The following NF1 variants were observed in gnomAD, a reference collection of about 807,000 sequenced individuals.
NF1 encodes the protein neurofibromin.
Under a neutral mutation model 325.7 loss-of-function variants are expected in NF1, and 122 were observed. The observed-to-expected ratio is 0.37, with a 90% CI of 0.32 to 0.44. NF1 has a LOEUF of 0.44. Ranked by LOEUF, NF1 falls within the 20% of genes least tolerant of loss-of-function variation. The pLI, the probability that NF1 is intolerant of heterozygous loss-of-function variation, is 1.00. For missense variants in NF1, 2,140 were observed against 3,415.4 expected (o/e 0.63, Z 9.31); for synonymous variants, 1,091 against 1,186.0 (o/e 0.92, Z 1.65).
chr17:31,113,907 C>G (rs897475132), intron 1 of NF1, among the ~76,000 whole-genome samples: 2 of 152,200 alleles, frequency 1.3e-5, no homozygotes, highest in African/African-American at 4.8e-5. Flanking sequence ...TTACCCTCTT[C>G]CCAAAATGAG....
At chr17:31,337,324 A>G in intron 42 of NF1, 44 bp from the exon 43 acceptor site, 1 of 1,457,972 alleles carries the variant, frequency 6.9e-7, no homozygotes, top group East Asian at 2.3e-5. Context: ...AGAAATTAAA[A>G]AGTAATATTT....
Position 31,318,764 on chromosome 17 carries a change from C to T in NF1, c.4836-7056C>T, listed in dbSNP as rs113390641. 63 of 1,613,848 alleles carry T rather than the reference C, an allele frequency of 3.9e-5. 2 individuals are homozygous for T. The highest frequency in any genetic ancestry group is 2.5e-4 in the African/African-American group (19 of 74,868). ...TGTTCAGATTTAGAAGTTAAAGCTACGATGTGAGATGTTTCAGGCATGTTT... is the reference window on the plus strand; with the variant it reads ...TGTTCAGATTTAGAAGTTAAAGCTATGATGTGAGATGTTTCAGGCATGTTT... On this transcript the variant is annotated intron_variant, in intron 36 of 57. Coordinates refer to ENST00000358273, the MANE Select transcript of NF1 (RefSeq NM_001042492.3).
At chr17:31,113,821 T>A (rs1025052317) in intron 1 of NF1, among the ~76,000 whole-genome samples, 2 of 152,204 alleles carry the variant, frequency 1.3e-5, no homozygotes, top group African/African-American at 2.4e-5. Context: ...ATATTTCATC[T>A]TCTTTACAAG....
At chr17:31,277,458 G>C (rs1370402685) in intron 36 of NF1, among the ~76,000 whole-genome samples, 6 of 152,092 alleles carry the variant, frequency 3.9e-5, no homozygotes, top group Non-Finnish European at 8.8e-5. Context: ...GATATTTTGG[G>C]ATTATTTGTG....
chr17:31,099,168 G>C (rs1191189721), intron 1 of NF1, among the ~76,000 whole-genome samples: 1 of 152,016 alleles, frequency 6.6e-6, no homozygotes. Flanking sequence ...CTAATATTCG[G>C]TGTGATTAAA....
intron 51 of NF1, among the ~76,000 whole-genome samples, chr17:31,353,572 T>G (rs1251556216): frequency 6.6e-6 from 1 of 152,098 alleles, no homozygotes; most frequent in Non-Finnish European, 1.5e-5. Context: ...AAGCCAAGAT[T>G]GCACCACTGC....
At chr17:31,307,892 C>T (rs760284628) in intron 36 of NF1, 6 of 1,288,948 alleles carry the variant, frequency 4.7e-6, no homozygotes, top group Non-Finnish European at 6.1e-6. Flanking sequence ...ATTACCTTTT[C>T]AGCATATCTA....
intron 29 of NF1, among the ~76,000 whole-genome samples, chr17:31,236,527 C>T (rs1163267755): frequency 6.6e-6 from 1 of 152,040 alleles, no homozygotes; most frequent in Non-Finnish European, 1.5e-5. Flanking sequence ...GCAACCTCTG[C>T]CTCCCAGGTT....
intron 36 of NF1, among the ~76,000 whole-genome samples, chr17:31,289,674 T>C (rs1375440008): frequency 6.6e-6 from 1 of 152,230 alleles, no homozygotes; most frequent in Non-Finnish European, 1.5e-5. Flanking sequence ...CCAGATATTC[T>C]GGTCAGTGGG....
At chr17:31,120,495 G>A (rs1914330914) in intron 1 of NF1, among the ~76,000 whole-genome samples, 1 of 152,138 alleles carries the variant, frequency 6.6e-6, no homozygotes, top group African/African-American at 2.4e-5. Context: ...TCAGCTAAAG[G>A]AGATTTTGGG....
chr17:31,147,577 G>A (rs1414418779), intron 1 of NF1, among the ~76,000 whole-genome samples: 1 of 151,768 alleles, frequency 6.6e-6, no homozygotes, highest in African/African-American at 2.4e-5. Context: ...ATTGCTGAAT[G>A]TGTGTGTGTG....
rs1555606128 is a variant in NF1 at position 31,163,375 on chromosome 17, A to G, written c.478A>G (p.Arg160Gly). The change falls in exon 4 of 58, where the codon AGG becomes GGG. Residue 160 changes from arginine (R) to glycine (G), a missense_variant and splice_region_variant. Arg to Gly is a moderately radical substitution (Grantham distance 125, BLOSUM62 -2). Coordinates refer to ENST00000358273, the MANE Select transcript of NF1 (RefSeq NM_001042492.3). ...FNAVFSRIST[R>G]LQELTVCSED... ...TGCAGTCTTTAGTCGCATTTCTACC[A>G]GGTTAGTGTGTAAATCCACATGGGA... 1.2e-6 allele frequency: 2 copies of G among 1,613,986 alleles called. No individual in the cohort carries two copies. Among genetic ancestry groups the G allele is most frequent in the Non-Finnish European group, 1.7e-6 (2 of 1,179,872 alleles).
chr17:31,325,817 T>C lies in NF1; in HGVS notation c.4836-3T>C, dbSNP rs372460369. The C allele has an allele frequency of 2.2e-5, 36 of 1,613,230 alleles. No individual in the cohort carries two copies. The Middle Eastern group carries it at 5.0e-4, about 22-fold the overall frequency. On this transcript the variant is annotated splice_region_variant and splice_polypyrimidine_tract_variant and intron_variant, in intron 36 of 57. Coordinates refer to ENST00000358273, the MANE Select transcript of NF1 (RefSeq NM_001042492.3). ...TCTTTGTCTTTTTTGTCATTTTCCT[T>C]AGGTTCAAAACTGGTCAAATCAATG...
chr17:31,157,556 T>C (rs548490679), intron 2 of NF1, among the ~76,000 whole-genome samples: 2 of 152,330 alleles, frequency 1.3e-5, no homozygotes, highest in South Asian at 4.1e-4. Flanking sequence ...TTTCAATACA[T>C]ATAATACATA....
intron 27 of NF1, among the ~76,000 whole-genome samples, chr17:31,235,318 T>C (rs544043496): frequency 6.6e-6 from 1 of 152,348 alleles, no homozygotes; most frequent in South Asian, 2.1e-4. Context: ...CATTTTGTGA[T>C]GTAATTTGAG....
rs1597829913 is a variant in NF1, at chr17:31,326,029, G to GT, written c.5046dup (p.Asn1683Ter). 1 of 1,614,172 alleles carries GT rather than the reference G, an allele frequency of 6.2e-7. No individual in the cohort carries two copies. Among genetic ancestry groups the GT allele is most frequent in the Non-Finnish European group, 8.5e-7 (1 of 1,180,028 alleles). ...GTCTCCGCAGTCTATATCTATAACT[G>GT]TAACTCCTGGGTCAGGGAGTACACC... is the stretch of plus-strand genomic sequence containing the variant. On this transcript the variant is annotated frameshift_variant, in exon 37 of 58. Transcript: ENST00000358273. LOFTEE classifies it high-confidence loss of function.
At chr17:31,294,827 C>G (rs1288093691) in intron 36 of NF1, 3 of 719,624 alleles carry the variant, frequency 4.2e-6, no homozygotes, top group Non-Finnish European at 7.0e-6. Flanking sequence ...CAGCAAGTAC[C>G]AAGACATTGT....
At chr17:31,369,699 C>T (rs144880312) in intron 57 of NF1, among the ~76,000 whole-genome samples, 20 of 152,294 alleles carry the variant, frequency 1.3e-4, no homozygotes, top group African/African-American at 4.1e-4. Context: ...AGCACCAAGG[C>T]CTTCTCACTA....
At chr17:31,234,229 T>C (rs1251416760) in intron 27 of NF1, among the ~76,000 whole-genome samples, 1 of 152,238 alleles carries the variant, frequency 6.6e-6, no homozygotes, top group Non-Finnish European at 1.5e-5. Context: ...TGAAATTTTA[T>C]ACTCATTGAT....
Sources: gnomAD v4.1 joint callset for allele counts (sites outside exome capture counted in the v4.1 genomes callset) on GRCh38, gnomAD v4.1.1 for gene constraint, MANE v1.5 for transcripts, NCBI Gene and HGNC (gene_info 2026-07-23, HGNC 2026-07-21) for gene names.